Variants in JARID2 observed in about 807,000 individuals in gnomAD.
JARID2 encodes jumonji and AT-rich interaction domain containing 2, also known as protein Jumonji.
In JARID2, 21 loss-of-function variants were observed where a neutral mutation model predicts 125.6. That is an observed-to-expected ratio of 0.17 (90% CI 0.12 to 0.24). The LOEUF is 0.24. JARID2 is among the 10% of genes least tolerant of loss of function. The pLI is 1.00. For missense variants in JARID2, 1,303 were observed against 1,639.6 expected (o/e 0.79, Z 3.55); for synonymous variants, 736 against 661.6 (o/e 1.11, Z -1.73).
intron 8 of JARID2, 113 bp from the exon 9 acceptor site, chr6:15,504,387 G>A (rs1364096878): frequency 8.2e-6 from 6 of 729,600 alleles, no homozygotes; most frequent in Non-Finnish European, 1.5e-5. Flanking sequence ...ATACAAGGTG[G>A]CCCACAGCCG....
intron 1 of JARID2, among the ~76,000 whole-genome samples, chr6:15,273,933 T>G (rs1760396266): frequency 6.8e-6 from 1 of 146,934 alleles, no homozygotes; most frequent in African/African-American, 2.5e-5. Context: ...TCTATATCTT[T>G]TTTTTTTTTT....
chr6:15,410,518 GCTTT>G (rs143607783), intron 3 of JARID2, among the ~76,000 whole-genome samples, 153 bp downstream of exon 3: 1,539 of 152,144 alleles, frequency 0.01, 28 homozygotes, highest in African/African-American at 0.034. Flanking sequence ...CAAATGCCCT[GCTTT>G]CTAAGTATTG....
chr6:15,357,939 C>T (rs967585500), intron 1 of JARID2, among the ~76,000 whole-genome samples: 4 of 152,120 alleles, frequency 2.6e-5, no homozygotes, highest in Non-Finnish European at 4.4e-5. Context: ...TACTGTTGTC[C>T]ATGTAATTTT....
At chr6:15,426,377 T>C (rs1766727046) in intron 3 of JARID2, among the ~76,000 whole-genome samples, 1 of 152,160 alleles carries the variant, frequency 6.6e-6, no homozygotes, top group Non-Finnish European at 1.5e-5. Context: ...GATGGTGAGC[T>C]GGAGGCAAGA....
intron 1 of JARID2, among the ~76,000 whole-genome samples, chr6:15,300,007 A>C (rs1180956695): frequency 6.6e-6 from 1 of 152,158 alleles, no homozygotes; most frequent in Non-Finnish European, 1.5e-5. Context: ...CCCAACCTCC[A>C]AAAGGTTATA....
chr6:15,339,146 T>C (rs1188639687), intron 1 of JARID2, among the ~76,000 whole-genome samples: 1 of 152,030 alleles, frequency 6.6e-6, no homozygotes, highest in African/African-American at 2.4e-5. Context: ...GGAGACACTT[T>C]CAGGTGTGCA....
intron 6 of JARID2, among the ~76,000 whole-genome samples, chr6:15,490,426 C>T (rs916134621): frequency 6.6e-6 from 1 of 152,136 alleles, no homozygotes; most frequent in Non-Finnish European, 1.5e-5. Flanking sequence ...CACTTCCCCT[C>T]GTGCGAACTG....
intron 1 of JARID2, among the ~76,000 whole-genome samples, chr6:15,283,680 C>A (rs1395375816): frequency 6.8e-6 from 1 of 148,126 alleles, no homozygotes; most frequent in Non-Finnish European, 1.5e-5. Context: ...ATATTTTCTT[C>A]TAGTCTGTCC....
chr6:15,499,147 C>G (rs1434674557), intron 7 of JARID2, among the ~76,000 whole-genome samples: 1 of 152,176 alleles, frequency 6.6e-6, no homozygotes, highest in African/African-American at 2.4e-5. Context: ...GGGGTACTGA[C>G]CTGTCTGTGA....
At position 15,283,199 on chromosome 6, in the gene JARID2, C is replaced by T. The variant is rs546636867; in HGVS notation, c.45+36615C>T. ...TTCACCGTGTTAGCCAGGACGGTCT[C>T]GATCTGCCGACCTTGTGATCTGCCC... On this transcript the variant is annotated intron_variant, in intron 1 of 17. Transcript: ENST00000341776. 2.3e-3 allele frequency among the ~76,000 whole-genome samples: 343 copies of T among 148,806 alleles called. 2 individuals carry two copies. The highest frequency in any genetic ancestry group is 2.5e-3 in the Non-Finnish European group (171 of 67,324).
At chr6:15,338,132 T>G (rs1004459324) in intron 1 of JARID2, among the ~76,000 whole-genome samples, 1 of 152,190 alleles carries the variant, frequency 6.6e-6, no homozygotes, top group African/African-American at 2.4e-5. Context: ...TTCATGGGTA[T>G]GTACTGCAGT....
intron 1 of JARID2, among the ~76,000 whole-genome samples, chr6:15,261,600 G>T (rs1218176975): frequency 6.6e-6 from 1 of 152,108 alleles, no homozygotes; most frequent in Non-Finnish European, 1.5e-5. Flanking sequence ...GATTACAGGC[G>T]TGAGCCACCC....
At chr6:15,344,886 A>G (rs1428980977) in intron 1 of JARID2, among the ~76,000 whole-genome samples, 1 of 152,184 alleles carries the variant, frequency 6.6e-6, no homozygotes, top group Non-Finnish European at 1.5e-5. Context: ...GCATTGCATT[A>G]CCTGCCGTTT....
intron 1 of JARID2, among the ~76,000 whole-genome samples, chr6:15,269,143 G>T (rs1345197226): frequency 2.0e-5 from 3 of 152,112 alleles, no homozygotes; most frequent in African/African-American, 7.2e-5. Context: ...CCTTTCTTGA[G>T]GGAGGAGGAA....
Position 15,520,322 on chromosome 6 carries a change from C to CT in JARID2, c.*72dup. The CT allele has an allele frequency of 8.5e-7, 1 of 1,175,344 alleles. No individual in the cohort carries two copies. Among genetic ancestry groups the CT allele is most frequent in the Non-Finnish European group, 1.2e-6 (1 of 863,944 alleles). The allele number at this position is 1,175,344 out of a possible 1,614,324, so 72.8% of individuals were successfully genotyped here. ...ATTATATTCTAGTTTGGAGTACTTG[C>CT]TGTAGGATTCAAGCTGTCTTTGCAC... On this transcript the variant is annotated 3_prime_UTR_variant, in exon 18 of 18. Coordinates refer to ENST00000341776, the MANE Select transcript of JARID2 (RefSeq NM_004973.4).
At chr6:15,434,781 A>G (rs1328029054) in intron 3 of JARID2, among the ~76,000 whole-genome samples, 1 of 152,174 alleles carries the variant, frequency 6.6e-6, no homozygotes, top group Non-Finnish European at 1.5e-5. Context: ...AGTGTTTCTC[A>G]GCTTTCCGTA....
chr6:15,333,415 T>G (rs748389287), intron 1 of JARID2, among the ~76,000 whole-genome samples: 22 of 152,320 alleles, frequency 1.4e-4, no homozygotes, highest in Non-Finnish European at 3.1e-4. Context: ...TCACTGGATA[T>G]TCCTATTTTG....
intron 1 of JARID2, among the ~76,000 whole-genome samples, chr6:15,304,303 TCC>T (rs61333394): frequency 0.022 from 591 of 26,672 alleles, 6 homozygotes; most frequent in South Asian, 0.041. Context: ...AATTTGCTGA[TCC>T]CCCCCCCCCC....
intron 1 of JARID2, chr6:15,247,489 C>G (rs2127279967): frequency 2.0e-6 from 2 of 981,030 alleles, no homozygotes; most frequent in South Asian, 9.5e-5. Flanking sequence ...CAAATATGCA[C>G]TCGAGTGATC....
Sources: allele counts gnomAD v4.1 joint callset (sites outside exome capture counted in the v4.1 genomes callset), GRCh38; gene constraint gnomAD v4.1.1; transcripts MANE v1.5; gene names NCBI Gene and HGNC (gene_info 2026-07-23, HGNC 2026-07-21).